JARID2: variants seen among roughly 807,000 people sequenced by gnomAD.
The protein encoded by JARID2 is jumonji and AT-rich interaction domain containing 2, also known as protein Jumonji.
A neutral mutation model predicts 125.6 loss-of-function variants in JARID2; 21 were observed. That is an observed-to-expected ratio of 0.17 (90% CI 0.12 to 0.24). The LOEUF (loss-of-function observed/expected upper bound fraction) is 0.24, where lower values mean the gene tolerates loss of function less well. Ranked by LOEUF, JARID2 falls within the 10% of genes least tolerant of loss-of-function variation. JARID2 has a pLI of 1.00. For synonymous variants in JARID2, 736 were observed against 661.6 expected (o/e 1.11, Z -1.73); for missense variants, 1,303 against 1,639.6 (o/e 0.79, Z 3.55).
intron 1 of JARID2, among the ~76,000 whole-genome samples, chr6:15,344,629 CTA>C (rs1404647607): frequency 6.6e-6 from 1 of 151,862 alleles, no homozygotes; most frequent in African/African-American, 2.4e-5. Context: ...AACAAATGAT[CTA>C]TGACTATTTC....
chr6:15,510,899 C>G (rs1461392240), intron 12 of JARID2, among the ~76,000 whole-genome samples: 1 of 152,228 alleles, frequency 6.6e-6, no homozygotes, highest in Admixed American at 6.5e-5. Context: ...CTGCAGTGGC[C>G]TCTGTTAACA....
chr6:15,466,915 C>G (rs1385666772), intron 4 of JARID2, among the ~76,000 whole-genome samples: 1 of 152,216 alleles, frequency 6.6e-6, no homozygotes, highest in Admixed American at 6.5e-5. Context: ...GAATCTACTT[C>G]TAAATGGAGA....
intron 1 of JARID2, among the ~76,000 whole-genome samples, chr6:15,340,035 C>A (rs949679868): frequency 4.6e-5 from 7 of 151,906 alleles, no homozygotes; most frequent in African/African-American, 1.7e-4. Flanking sequence ...TCTTGTCTCA[C>A]TGCAACCTCT....
intron 6 of JARID2, among the ~76,000 whole-genome samples, chr6:15,494,396 G>A (rs924254337): frequency 2.3e-5 from 3 of 129,080 alleles, no homozygotes; most frequent in Non-Finnish European, 3.3e-5. Flanking sequence ...CCACTGGTTT[G>A]GATGTTTTTG....
At chr6:15,253,352 C>T (rs1054897369) in intron 1 of JARID2, among the ~76,000 whole-genome samples, 10 of 152,100 alleles carry the variant, frequency 6.6e-5, no homozygotes, top group African/African-American at 1.7e-4. Flanking sequence ...CGTGAGCCAC[C>T]GTGCCTGGCC....
chr6:15,346,983 C>A (rs957344229), intron 1 of JARID2, among the ~76,000 whole-genome samples: 6 of 152,222 alleles, frequency 3.9e-5, no homozygotes, highest in African/African-American at 1.4e-4. Flanking sequence ...ATCTGCCTGC[C>A]TCAGCCTCCC....
chr6:15,405,646 C>T (rs1024729821), intron 2 of JARID2, among the ~76,000 whole-genome samples: 2 of 152,270 alleles, frequency 1.3e-5, no homozygotes, highest in East Asian at 3.9e-4. Flanking sequence ...ACCTCCTCTC[C>T]CCAACAAAGG....
chr6:15,347,916 T>A (rs1315001234), intron 1 of JARID2, among the ~76,000 whole-genome samples: 1 of 152,116 alleles, frequency 6.6e-6, no homozygotes, highest in East Asian at 1.9e-4. Flanking sequence ...CATGCCCAGT[T>A]GATTTTAAAA....
chr6:15,508,300 C>T (rs1038170383), intron 11 of JARID2, 40 bp from the exon 12 acceptor site: 5 of 1,005,812 alleles, frequency 5.0e-6, no homozygotes, highest in African/African-American at 3.2e-5. Flanking sequence ...ACCTTGTTGC[C>T]TAGCTTTTAA....
chr6:15,396,601 T>G (rs1242331761), intron 2 of JARID2, among the ~76,000 whole-genome samples: 1 of 152,234 alleles, frequency 6.6e-6, no homozygotes, highest in East Asian at 1.9e-4. Flanking sequence ...TGTTTTTTGC[T>G]TATACATAAA....
At chr6:15,406,177 T>G (rs1356999340) in intron 2 of JARID2, among the ~76,000 whole-genome samples, 1 of 152,232 alleles carries the variant, frequency 6.6e-6, no homozygotes, top group Non-Finnish European at 1.5e-5. Context: ...GGCTCACGTC[T>G]GTAATCCTAG....
intron 3 of JARID2, among the ~76,000 whole-genome samples, chr6:15,420,873 T>C (rs1431882620): frequency 2.0e-5 from 3 of 152,250 alleles, no homozygotes; most frequent in African/African-American, 7.2e-5. Flanking sequence ...CCATGTAGGC[T>C]AGTAAGAATG....
intron 16 of JARID2, 21 bp downstream of exon 16, chr6:15,513,443 C>A (rs151179727): frequency 1.8e-5 from 28 of 1,552,610 alleles, no homozygotes; most frequent in Non-Finnish European, 2.6e-6. Context: ...CTGGCCCTGC[C>A]GGCGCCCTCG....
At chr6:15,435,992 G>T (rs549445643) in intron 3 of JARID2, among the ~76,000 whole-genome samples, 64 of 152,212 alleles carry the variant, frequency 4.2e-4, no homozygotes, top group African/African-American at 1.5e-3. Flanking sequence ...CACTTCTTCA[G>T]TGCCCCGCTG....
chr6:15,409,017 GAAATGATGTA>G (rs781719959), intron 2 of JARID2, among the ~76,000 whole-genome samples: 7 of 152,156 alleles, frequency 4.6e-5, no homozygotes, highest in African/African-American at 7.2e-5. Flanking sequence ...CTCATACTCT[GAAATGATGTA>G]AAAATAGGTA....
intron 2 of JARID2, among the ~76,000 whole-genome samples, chr6:15,394,115 G>C (rs1420965158): frequency 6.6e-6 from 1 of 152,096 alleles, no homozygotes; most frequent in South Asian, 2.1e-4. Flanking sequence ...AAGTATATGA[G>C]CTATGTCTAG....
intron 6 of JARID2, among the ~76,000 whole-genome samples, chr6:15,489,575 C>T (rs1460357165): frequency 1.3e-5 from 2 of 152,232 alleles, no homozygotes; most frequent in Non-Finnish European, 2.9e-5. Flanking sequence ...TACAGTTGGA[C>T]AGAGGAAAGA....
chr6:15,434,246 C>G (rs1405745483), intron 3 of JARID2, among the ~76,000 whole-genome samples: 2 of 151,938 alleles, frequency 1.3e-5, no homozygotes, highest in Admixed American at 6.6e-5. Context: ...AGAATTCATG[C>G]TTCTGTGATG....
chr6:15,434,342 G>C (rs1767110203), intron 3 of JARID2, among the ~76,000 whole-genome samples: 1 of 152,134 alleles, frequency 6.6e-6, no homozygotes, highest in Non-Finnish European at 1.5e-5. Flanking sequence ...GTTTAGGGTG[G>C]TGGTATCTTT....
Sources: gnomAD v4.1 joint callset for allele counts (sites outside exome capture counted in the v4.1 genomes callset) on GRCh38, gnomAD v4.1.1 for gene constraint, MANE v1.5 for transcripts, NCBI Gene and HGNC (gene_info 2026-07-23, HGNC 2026-07-21) for gene names.